TOX3: variants seen among roughly 807,000 people sequenced by gnomAD.
The protein encoded by TOX3 is TOX high mobility group box family member 3.
In TOX3, 22 loss-of-function variants were observed where a neutral mutation model predicts 64.3. The observed-to-expected ratio is 0.34, with a 90% confidence interval of 0.24 to 0.49. TOX3 has a LOEUF of 0.49. TOX3 is among the 20% of genes least tolerant of loss of function. The pLI, the probability that TOX3 is intolerant of heterozygous loss-of-function variation, is 0.99. For missense variants in TOX3, 661 were observed against 714.4 expected, an observed-to-expected ratio of 0.93 and a Z score of 0.85; for synonymous variants, 291 against 273.6, an observed-to-expected ratio of 1.06 and a Z score of -0.63.
In TOX3 at chr16:52,439,519, C is replaced by T. The variant is rs1567306653; in HGVS notation, c.1437G>A (p.Gln479=). 1.4e-6 allele frequency: 2 copies of T among 1,413,566 alleles called. No individual in the cohort carries two copies. Among genetic ancestry groups the T allele is most frequent in the Non-Finnish European group, 2.0e-6 (2 of 1,021,178 alleles). The allele number at this position is 1,413,566 out of a possible 1,614,324, so 87.6% of individuals were successfully genotyped here. The change falls in exon 7 of 7, where the codon CAG becomes CAA. Residue 479 remains glutamine, a synonymous_variant. Transcript: ENST00000219746. ...MHQQIQQQMQ[Q]QHFQHHMQQH... ...GCTGCATGTGGTGCTGGAAATGCTG[C>T]TGCTGCATCTGCTGCTGGATTTGCT...
chr16:52,544,975 G>GT (rs2151493186), intron 1 of TOX3, among the ~76,000 whole-genome samples: 1 of 152,272 alleles, frequency 6.6e-6, no homozygotes, highest in South Asian at 2.1e-4. Flanking sequence ...AGCATGCCCA[G>GT]TTTATACAAG....
At chr16:52,446,779 G>A (rs1252428243) in intron 4 of TOX3, among the ~76,000 whole-genome samples, 2 of 151,700 alleles carry the variant, frequency 1.3e-5, no homozygotes, top group East Asian at 1.9e-4. Context: ...TTCTATACTT[G>A]CAGCATTAGG....
intron 1 of TOX3, among the ~76,000 whole-genome samples, chr16:52,540,577 C>T (rs1435104980): frequency 1.3e-5 from 2 of 152,124 alleles, no homozygotes; most frequent in Non-Finnish European, 2.9e-5. Context: ...TAATCTTCCT[C>T]TTTGCTAGTG....
chr16:52,519,597 A>C, intron 1 of TOX3: 1 of 1,423,052 alleles, frequency 7.0e-7, no homozygotes, highest in Non-Finnish European at 9.2e-7. Context: ...GACGAAAAAA[A>C]AAACAACATG....
intron 3 of TOX3, among the ~76,000 whole-genome samples, chr16:52,450,855 A>AGGAC (rs1960323968): frequency 7.5e-6 from 1 of 133,182 alleles, no homozygotes; most frequent in Non-Finnish European, 1.7e-5. Context: ...GAAGGAAGGA[A>AGGAC]GGAAAAAAAG....
At chr16:52,442,245 A>G (rs1960017742) in intron 6 of TOX3, among the ~76,000 whole-genome samples, 1 of 152,158 alleles carries the variant, frequency 6.6e-6, no homozygotes, top group African/African-American at 2.4e-5. Context: ...GCAGAGTCGT[A>G]TCTTAAGGGG....
intron 5 of TOX3, chr16:52,445,779 G>T: frequency 2.0e-6 from 1 of 495,810 alleles, no homozygotes; most frequent in African/African-American, 1.9e-5. Context: ...CCTCTGAATG[G>T]GTTCTGAACA....
At chr16:52,457,160 T>C (rs1447750291) in intron 3 of TOX3, among the ~76,000 whole-genome samples, 1 of 152,222 alleles carries the variant, frequency 6.6e-6, no homozygotes, top group Non-Finnish European at 1.5e-5. Context: ...TACATTTATC[T>C]TTGTGCTGCA....
At position 52,439,078 on chromosome 16, in the gene TOX3, G is replaced by A; in HGVS notation, c.*147C>T. The A allele has an allele frequency of 6.2e-6, 7 of 1,126,458 alleles. No homozygotes were observed. The highest frequency in any genetic ancestry group is 9.1e-6 in the Non-Finnish European group (7 of 772,726). 69.8% of individuals were successfully genotyped at this position (1,126,458 alleles called of 1,614,324 possible). ...ACTCAGCTACACTGCAGTTCTTATT[G>A]CCTATCTAATAGACACTTGAGAGGA... On this transcript the variant is annotated 3_prime_UTR_variant, in exon 7 of 7. Transcript: ENST00000219746.
intron 1 of TOX3, among the ~76,000 whole-genome samples, chr16:52,522,697 G>C (rs1036497045): frequency 4.6e-5 from 7 of 152,182 alleles, no homozygotes; most frequent in African/African-American, 1.7e-4. Flanking sequence ...ACAACAGGGA[G>C]AGTCCCAGGA....
rs551616105 is a variant in TOX3, at chr16:52,520,969, T to C, written c.87+25668A>G. Among the ~76,000 whole-genome samples the C allele has an allele frequency of 5.3e-5, 8 of 152,326 alleles. No individual in the cohort carries two copies. The East Asian group carries it at 1.5e-3, about 29-fold the overall frequency. The stretch of plus-strand genomic sequence containing the variant: ...TTATTTCATACATGGAAAACTGGTA[T>C]TCCTTTCTATAAATAGCACATAACT... On this transcript the variant is annotated intron_variant, in intron 1 of 6. Coordinates refer to ENST00000219746, the MANE Select transcript of TOX3 (RefSeq NM_001080430.4).
At chr16:52,440,997 C>T (rs918225821) in intron 6 of TOX3, among the ~76,000 whole-genome samples, 3 of 151,842 alleles carry the variant, frequency 2.0e-5, no homozygotes, top group South Asian at 2.1e-4. Context: ...CTCCTGACCT[C>T]GTGATCTGCC....
At chr16:52,449,203 T>C (rs1039215046) in intron 4 of TOX3, among the ~76,000 whole-genome samples, 6 of 152,212 alleles carry the variant, frequency 3.9e-5, no homozygotes, top group Non-Finnish European at 8.8e-5. Flanking sequence ...AAATTACTTA[T>C]GCCATTCCTC....
chr16:52,545,712 A>G (rs182514359), intron 1 of TOX3, among the ~76,000 whole-genome samples: 2 of 152,156 alleles, frequency 1.3e-5, no homozygotes, highest in Non-Finnish European at 2.9e-5. Context: ...TCTCGCCCTC[A>G]GGGTGATGTT....
At chr16:52,538,147 A>G (rs1962998295) in intron 1 of TOX3, among the ~76,000 whole-genome samples, 1 of 152,174 alleles carries the variant, frequency 6.6e-6, no homozygotes, top group African/African-American at 2.4e-5. Flanking sequence ...TAAGGGTTGA[A>G]TCTCTCATTA....
chr16:52,464,349 A>G (rs1339950619), intron 2 of TOX3, among the ~76,000 whole-genome samples, 161 bp from the exon 3 acceptor site: 2 of 152,246 alleles, frequency 1.3e-5, no homozygotes, highest in Non-Finnish European at 2.9e-5. Flanking sequence ...TTCCATATAT[A>G]AAGTTTTGCT....
At chr16:52,510,778 A>AAAAAAAAAAAAAAAG (rs574634087) in intron 1 of TOX3, among the ~76,000 whole-genome samples, 7 of 115,144 alleles carry the variant, frequency 6.1e-5, no homozygotes, top group Admixed American at 2.1e-4. Flanking sequence ...AAAAAAAAAA[A>AAAAAAAAAAAAAAAG]AAGAAGAAGA....
chr16:52,443,564 A>T (rs1337456027), intron 6 of TOX3, among the ~76,000 whole-genome samples: 1 of 152,236 alleles, frequency 6.6e-6, no homozygotes, highest in African/African-American at 2.4e-5. Context: ...CTTGTCAGAA[A>T]AAATTTGTCT....
intron 1 of TOX3, among the ~76,000 whole-genome samples, chr16:52,516,267 C>T (rs1962452103): frequency 6.6e-6 from 1 of 152,080 alleles, no homozygotes; most frequent in Admixed American, 6.6e-5. Flanking sequence ...GAAACTAGGT[C>T]TATATTGTCC....
Sources: gnomAD v4.1 joint callset for allele counts (sites outside exome capture counted in the v4.1 genomes callset) on GRCh38, gnomAD v4.1.1 for gene constraint, MANE v1.5 for transcripts, NCBI Gene and HGNC (gene_info 2026-07-23, HGNC 2026-07-21) for gene names.